THSD7B: variants seen among roughly 807,000 people sequenced by gnomAD.
THSD7B encodes the protein thrombospondin type-1 domain-containing protein 7B.
In THSD7B, 138 loss-of-function variants were observed where a neutral mutation model predicts 213.6. The ratio of observed to expected loss-of-function variants is 0.65; its 90% CI spans 0.56 to 0.74. The LOEUF is 0.74. Among genes scored for constraint, THSD7B ranks in the 30% least tolerant of loss-of-function variants. THSD7B has a pLI of 0.00. For synonymous variants in THSD7B, 742 were observed against 687.0 expected (o/e 1.08, Z -1.25); for missense variants, 1,931 against 1,991.5 (o/e 0.97, Z 0.58).
intron 7 of THSD7B, among the ~76,000 whole-genome samples, chr2:137,202,542 T>TAGAG (rs2105025582): frequency 6.6e-6 from 1 of 152,272 alleles, no homozygotes; most frequent in African/African-American, 2.4e-5. Flanking sequence ...GGAGCAGCAG[T>TAGAG]AGAGAGCACG....
intron 7 of THSD7B, among the ~76,000 whole-genome samples, chr2:137,208,250 C>G (rs1403691284): frequency 1.3e-5 from 2 of 152,020 alleles, no homozygotes; most frequent in Non-Finnish European, 2.9e-5. Context: ...ACTGGAGCCT[C>G]AGTAAATTTA....
At chr2:137,535,157 A>G (rs888758051) in intron 15 of THSD7B, among the ~76,000 whole-genome samples, 10 of 151,808 alleles carry the variant, frequency 6.6e-5, no homozygotes, top group African/African-American at 2.4e-4. Context: ...CTCCTGGTTA[A>G]TGTTTTGGAT....
intron 12 of THSD7B, among the ~76,000 whole-genome samples, chr2:137,375,386 A>T (rs1685630987): frequency 6.6e-6 from 1 of 152,204 alleles, no homozygotes; most frequent in Non-Finnish European, 1.5e-5. Flanking sequence ...TTACATTGAA[A>T]AATGAATCTT....
At chr2:137,646,645 C>T (rs1026663369) in intron 21 of THSD7B, among the ~76,000 whole-genome samples, 1 of 98,514 alleles carries the variant, frequency 1.0e-5, no homozygotes, top group African/African-American at 3.7e-5. Flanking sequence ...AAGTGACACT[C>T]CATCTTAATA....
At chr2:136,898,520 C>T (rs922306264) in intron 2 of THSD7B, among the ~76,000 whole-genome samples, 2 of 151,092 alleles carry the variant, frequency 1.3e-5, no homozygotes, top group Admixed American at 6.6e-5. Context: ...GTAAGTTTTA[C>T]TCCAACATTT....
At chr2:137,089,075 G>T (rs1687896796) in intron 3 of THSD7B, among the ~76,000 whole-genome samples, 1 of 152,046 alleles carries the variant, frequency 6.6e-6, no homozygotes. Flanking sequence ...ATTCCTTAAA[G>T]AACTAAAAGT....
At position 137,529,596 on chromosome 2, in the gene THSD7B, CT is replaced by C. The variant is rs76753833; in HGVS notation, c.3139-33610del. 5.9e-3 allele frequency among the ~76,000 whole-genome samples: 805 copies of C among 136,628 alleles called. 5 individuals are homozygous for C. The highest frequency in any genetic ancestry group is 0.012 in the African/African-American group (455 of 38,278). The allele number at this position is 136,628 out of a possible 152,430, so 89.6% of individuals were successfully genotyped here. ...AGGGATTTAGAATCCTTCTAAGAAT[CT>C]TTTTTTTTTTTTTTAAAGGACATCC... On this transcript the variant is annotated intron_variant, in intron 15 of 27. Coordinates refer to ENST00000409968, the MANE Select transcript of THSD7B (RefSeq NM_001316349.2).
intron 12 of THSD7B, among the ~76,000 whole-genome samples, chr2:137,293,178 A>T (rs527713191): frequency 6.6e-6 from 1 of 151,696 alleles, no homozygotes; most frequent in African/African-American, 2.4e-5. Context: ...GGTCTGTATC[A>T]TCCAGGCTGG....
chr2:137,291,335 A>G (rs572975900), intron 12 of THSD7B, among the ~76,000 whole-genome samples: 1 of 150,468 alleles, frequency 6.6e-6, no homozygotes, highest in Non-Finnish European at 1.5e-5. Context: ...ATTATACCTT[A>G]AAGTTTTCTT....
intron 12 of THSD7B, among the ~76,000 whole-genome samples, chr2:137,349,860 T>C (rs1684968147): frequency 6.6e-6 from 1 of 151,816 alleles, no homozygotes; most frequent in Non-Finnish European, 1.5e-5. Flanking sequence ...AAAATGTTGT[T>C]TAAAGGTATC....
intron 3 of THSD7B, among the ~76,000 whole-genome samples, chr2:137,076,967 C>A (rs1018628544): frequency 1.0e-5 from 1 of 97,544 alleles, no homozygotes; most frequent in Non-Finnish European, 1.9e-5. Context: ...TAATGCTATC[C>A]CTCCCCCCTC....
At chr2:137,387,847 C>G (rs971253544) in intron 12 of THSD7B, among the ~76,000 whole-genome samples, 5 of 152,156 alleles carry the variant, frequency 3.3e-5, no homozygotes, top group African/African-American at 1.2e-4. Flanking sequence ...CCCTTCTATG[C>G]CAGGTTTCCC....
At chr2:137,312,598 C>T (rs370543735) in intron 12 of THSD7B, among the ~76,000 whole-genome samples, 3,232 of 150,556 alleles carry the variant, frequency 0.021, 131 homozygotes, top group African/African-American at 0.076. Flanking sequence ...ATTGTGATGT[C>T]AGGGTGTCAA....
intron 12 of THSD7B, among the ~76,000 whole-genome samples, chr2:137,291,802 G>A (rs1419884987): frequency 6.6e-6 from 1 of 152,062 alleles, no homozygotes; most frequent in Admixed American, 6.5e-5. Flanking sequence ...CTGATGCCAG[G>A]ATTATGAATC....
At chr2:136,890,460 C>CT (rs1558840226) in intron 2 of THSD7B, among the ~76,000 whole-genome samples, 17 of 1,270 alleles carry the variant, frequency 0.013, 8 homozygotes, top group African/African-American at 0.019. Context: ...TCTTCTTCTT[C>CT]TCCTTTCTTC....
intron 2 of THSD7B, among the ~76,000 whole-genome samples, chr2:137,054,903 G>A (rs1473105543): frequency 1.3e-5 from 2 of 151,982 alleles, no homozygotes; most frequent in African/African-American, 4.8e-5. Flanking sequence ...CATGCATTAG[G>A]TATTCGTCTT....
chr2:137,388,975 T>TG (rs879625138), intron 12 of THSD7B, among the ~76,000 whole-genome samples: 4 of 151,920 alleles, frequency 2.6e-5, no homozygotes, highest in Admixed American at 6.6e-5. Flanking sequence ...GCAATAAACA[T>TG]GGGGGCTGCA....
intron 12 of THSD7B, among the ~76,000 whole-genome samples, chr2:137,306,771 T>C (rs1286749860): frequency 1.3e-5 from 2 of 152,120 alleles, no homozygotes; most frequent in Non-Finnish European, 2.9e-5. Flanking sequence ...TAAAAGTGTT[T>C]TCATTTTTTG....
At chr2:137,544,798 T>C (rs1030355244) in intron 15 of THSD7B, among the ~76,000 whole-genome samples, 3 of 151,856 alleles carry the variant, frequency 2.0e-5, no homozygotes, top group African/African-American at 7.2e-5. Flanking sequence ...GTCTCAGTTA[T>C]AAAATTAAAG....
Sources: allele counts gnomAD v4.1 joint callset (sites outside exome capture counted in the v4.1 genomes callset), GRCh38; gene constraint gnomAD v4.1.1; transcripts MANE v1.5; gene names NCBI Gene and HGNC (gene_info 2026-07-23, HGNC 2026-07-21).